Variants in PARD3B observed in about 807,000 individuals in gnomAD.
PARD3B encodes partitioning defective 3 homolog B.
Under a neutral mutation model 130.2 loss-of-function variants are expected in PARD3B, and 103 were observed. The ratio of observed to expected loss-of-function variants is 0.79; its 90% CI spans 0.67 to 0.93. The LOEUF is 0.93. Among genes scored for constraint, PARD3B ranks in the 40% least tolerant of loss-of-function variants. The pLI is 0.00. For synonymous variants in PARD3B, 583 were observed against 553.2 expected, an observed-to-expected ratio of 1.05 and a Z score of -0.76; for missense variants, 1,609 against 1,499.2, an observed-to-expected ratio of 1.07 and a Z score of -1.21.
At chr2:205,184,005 A>G (rs1057444640) in intron 13 of PARD3B, among the ~76,000 whole-genome samples, 5 of 152,108 alleles carry the variant, frequency 3.3e-5, no homozygotes, top group African/African-American at 7.2e-5. Flanking sequence ...AAAAAAGCCA[A>G]TGTCCCATGT....
intron 19 of PARD3B, among the ~76,000 whole-genome samples, chr2:205,404,855 A>G (rs1479172299): frequency 6.6e-6 from 1 of 152,194 alleles, no homozygotes; most frequent in African/African-American, 2.4e-5. Context: ...TTGGATGAAT[A>G]TCCAGGTACA....
Position 204,967,900 on chromosome 2 carries a change from A to T in PARD3B, c.394+2577A>T, listed in dbSNP as rs575081886. On this transcript the variant is annotated intron_variant, in intron 3 of 22. Coordinates refer to ENST00000406610, the MANE Select transcript of PARD3B (RefSeq NM_001302769.2). The surrounding 1 kb of genome is among the most constrained non-coding windows in gnomAD (Gnocchi z 4.4). ...TCTGGTCCACCCTGAAAGCCTGCTT[A>T]GGTGAAGAATGGGAGGGGCGGTGAG... Among the ~76,000 whole-genome samples the T allele has an allele frequency of 2.0e-5, 3 of 152,230 alleles. No individual in the cohort carries two copies. The highest frequency in any genetic ancestry group is 4.4e-5 in the Non-Finnish European group (3 of 68,012).
chr2:205,242,546 T>C (rs2125915238), intron 15 of PARD3B, among the ~76,000 whole-genome samples: 1 of 152,342 alleles, frequency 6.6e-6, no homozygotes, highest in South Asian at 2.1e-4. Flanking sequence ...GGTAAATTGC[T>C]AGGTCGTATC....
intron 22 of PARD3B, among the ~76,000 whole-genome samples, chr2:205,606,588 C>A (rs1328519042): frequency 1.3e-5 from 2 of 152,130 alleles, no homozygotes; most frequent in African/African-American, 2.4e-5. Flanking sequence ...ACTCTTTAAT[C>A]CTTCCTATGC....
chr2:204,878,397 A>G (rs2045923594), intron 2 of PARD3B, among the ~76,000 whole-genome samples: 1 of 152,208 alleles, frequency 6.6e-6, no homozygotes, highest in Non-Finnish European at 1.5e-5. Flanking sequence ...AAATTGTTAA[A>G]CATAAAAACC....
In PARD3B at chr2:205,300,744, G is replaced by A. The variant is rs2105902792; in HGVS notation, c.2392+8G>A. ...CTGAAGAAATAGAAGCTGGTAGGAT[G>A]ATATGCTTCCTTAAATGGCTTCTTC... is the stretch of plus-strand genomic sequence containing the variant. On this transcript the variant is annotated splice_region_variant and intron_variant, in intron 17 of 22. Coordinates refer to ENST00000406610, the MANE Select transcript of PARD3B (RefSeq NM_001302769.2). This position sits in a 1 kb window ranked among gnomAD's most constrained non-coding sequence, Gnocchi z 4.1. The A allele has an allele frequency of 2.5e-6, 4 of 1,602,340 alleles. No individual in the cohort carries two copies. Among genetic ancestry groups the A allele is most frequent in the Non-Finnish European group, 3.4e-6 (4 of 1,170,368 alleles).
At chr2:205,099,795 C>G (rs1702628285) in intron 4 of PARD3B, among the ~76,000 whole-genome samples, 1 of 152,138 alleles carries the variant, frequency 6.6e-6, no homozygotes, top group Non-Finnish European at 1.5e-5. Context: ...ATGATCTTGG[C>G]AAGTGATAAA....
At chr2:204,676,607 C>T (rs1298079990) in intron 1 of PARD3B, among the ~76,000 whole-genome samples, 1 of 151,670 alleles carries the variant, frequency 6.6e-6, no homozygotes, top group East Asian at 1.9e-4. Flanking sequence ...CTTTGCTTCA[C>T]TCTTGAAAGA....
intron 19 of PARD3B, among the ~76,000 whole-genome samples, chr2:205,434,004 C>T (rs1466763506): frequency 6.6e-6 from 1 of 152,130 alleles, no homozygotes; most frequent in Non-Finnish European, 1.5e-5. Flanking sequence ...GTCGTCATTT[C>T]TTTTTTCAAT....
intron 2 of PARD3B, among the ~76,000 whole-genome samples, chr2:204,765,354 T>G (rs1308727357): frequency 6.6e-6 from 1 of 152,164 alleles, no homozygotes; most frequent in African/African-American, 2.4e-5. Context: ...TGTCTAAAAT[T>G]GGAGAACCAC....
At chr2:204,757,738 A>G (rs1225309491) in intron 2 of PARD3B, among the ~76,000 whole-genome samples, 2 of 152,086 alleles carry the variant, frequency 1.3e-5, no homozygotes, top group East Asian at 3.8e-4. Flanking sequence ...ACTTTTTTTA[A>G]ACAAAAGATT....
chr2:205,536,021 C>T (rs142960472), intron 21 of PARD3B, among the ~76,000 whole-genome samples: 3 of 152,066 alleles, frequency 2.0e-5, no homozygotes, highest in African/African-American at 4.8e-5. Flanking sequence ...TGGCAGCAGG[C>T]CTAATGAAAA....
At position 205,104,487 on chromosome 2, in the gene PARD3B, C is replaced by G; in HGVS notation, c.566C>G (p.Thr189Ser). The change falls in exon 5 of 23, where the codon ACT becomes AGT. Residue 189 changes from threonine (T) to serine (S), a missense_variant. Coordinates refer to ENST00000406610, the MANE Select transcript of PARD3B (RefSeq NM_001302769.2). The part of the protein sequence containing the change: ...VLNGVQTELL[T>S]SPRTKDTLSD... The stretch of plus-strand genomic sequence containing the variant: ...AATGGTGTACAGACAGAACTACTAA[C>G]TTCGCCAAGAACTAAGGACACATTG... 1.3e-6 allele frequency: 2 copies of G among 1,589,622 alleles called. No individual in the cohort carries two copies. Among genetic ancestry groups the G allele is most frequent in the Admixed American group, 1.7e-5 (1 of 59,964 alleles).
At chr2:204,794,618 A>G (rs1013430194) in intron 2 of PARD3B, among the ~76,000 whole-genome samples, 3 of 152,234 alleles carry the variant, frequency 2.0e-5, no homozygotes, top group South Asian at 2.1e-4. Context: ...GAGCACAGAT[A>G]ACAGTAACAT....
At chr2:205,028,144 G>A (rs1251355199) in intron 3 of PARD3B, among the ~76,000 whole-genome samples, 2 of 152,056 alleles carry the variant, frequency 1.3e-5, no homozygotes, top group African/African-American at 4.8e-5. Flanking sequence ...AACTGAATCT[G>A]TGGATCACTT....
At chr2:205,555,471 G>A (rs1423113803) in intron 22 of PARD3B, among the ~76,000 whole-genome samples, 3 of 152,018 alleles carry the variant, frequency 2.0e-5, no homozygotes, top group African/African-American at 4.8e-5. Flanking sequence ...GTTTATTTTC[G>A]CTAATCCCCG....
At chr2:205,022,084 A>T (rs1279045960) in intron 3 of PARD3B, among the ~76,000 whole-genome samples, 1 of 152,216 alleles carries the variant, frequency 6.6e-6, no homozygotes, top group Non-Finnish European at 1.5e-5. Flanking sequence ...TAGATTTAAC[A>T]ATACAAATAG....
At chr2:204,997,963 T>TA (rs59501089) in intron 3 of PARD3B, among the ~76,000 whole-genome samples, 3 of 37,688 alleles carry the variant, frequency 8.0e-5, no homozygotes, top group Non-Finnish European at 1.9e-4. Flanking sequence ...AGTGTATGTG[T>TA]ATATATATAT....
chr2:205,004,240 A>G (rs1409699191), intron 3 of PARD3B, among the ~76,000 whole-genome samples: 1 of 152,212 alleles, frequency 6.6e-6, no homozygotes, highest in Admixed American at 6.5e-5. Context: ...GGAAGAGAAT[A>G]TCTAATCACT....
Sources: gnomAD v4.1 joint callset for allele counts (sites outside exome capture counted in the v4.1 genomes callset) on GRCh38, gnomAD v4.1.1 for gene constraint, Gnocchi (gnomAD v3.1) non-coding constraint, MANE v1.5 for transcripts, NCBI Gene and HGNC (gene_info 2026-07-23, HGNC 2026-07-21) for gene names.